The following KCNN2 variants were observed in gnomAD, a reference collection of about 807,000 sequenced individuals.
KCNN2 encodes small conductance calcium-activated potassium channel protein 2.
In KCNN2, 24 loss-of-function variants were observed where a neutral mutation model predicts 55.5. The observed-to-expected ratio is 0.43, with a 90% CI of 0.31 to 0.61. The LOEUF is 0.61. KCNN2 is among the 20% of genes least tolerant of loss of function. The pLI, the probability that KCNN2 is intolerant of heterozygous loss-of-function variation, is 0.08. For synonymous variants in KCNN2, 431 were observed against 336.1 expected, an observed-to-expected ratio of 1.28 and a Z score of -3.09; for missense variants, 754 against 853.6, an observed-to-expected ratio of 0.88 and a Z score of 1.45.
chr5:114,413,471 A>G (rs1759198374), intron 3 of KCNN2, among the ~76,000 whole-genome samples: 1 of 152,100 alleles, frequency 6.6e-6, no homozygotes, highest in Admixed American at 6.5e-5. Context: ...TATTTTTAGT[A>G]GAAATGGGGT....
chr5:114,116,660 T>G (rs1751713803), intron 1 of KCNN2, among the ~76,000 whole-genome samples: 1 of 152,194 alleles, frequency 6.6e-6, no homozygotes, highest in Non-Finnish European at 1.5e-5. Context: ...CTGGCACACT[T>G]TGAAGGGTAA....
At position 114,325,814 on chromosome 5, in the gene KCNN2, A is replaced by G. The variant is rs528784102; in HGVS notation, c.-184-35131A>G. ...GAATTCCCCACTGGAACTGCATCTCATCTGGTTCTGTGAACTCAAGGGAGG... is the reference window on the plus strand; with the variant it reads ...GAATTCCCCACTGGAACTGCATCTCGTCTGGTTCTGTGAACTCAAGGGAGG... On this transcript the variant is annotated intron_variant, in intron 2 of 10. Coordinates refer to the KCNN2 transcript ENST00000512097. Among the ~76,000 whole-genome samples, 4 of 152,192 alleles carry G rather than the reference A, an allele frequency of 2.6e-5. No individual in the cohort carries two copies. The East Asian group carries it at 7.8e-4, about 30-fold the overall frequency.
At chr5:114,326,054 C>T (rs1279408000) in intron 2 of KCNN2, among the ~76,000 whole-genome samples, 1 of 152,130 alleles carries the variant, frequency 6.6e-6, no homozygotes, top group Admixed American at 6.5e-5. Flanking sequence ...TTGGGGTTTT[C>T]TGCCAAATGA....
chr5:114,351,452 C>A (rs1757202219), intron 2 of KCNN2, among the ~76,000 whole-genome samples: 1 of 151,722 alleles, frequency 6.6e-6, no homozygotes, highest in African/African-American at 2.4e-5. Context: ...TATTACCTAA[C>A]TGTACTGGCT....
chr5:114,287,860 A>G (rs1374476203), intron 2 of KCNN2, among the ~76,000 whole-genome samples: 6 of 151,924 alleles, frequency 3.9e-5, no homozygotes, highest in South Asian at 2.1e-4. Context: ...AAGTTTTCCT[A>G]TGCTGTGTTT....
chr5:114,204,746 C>G (rs1753736777), intron 1 of KCNN2, among the ~76,000 whole-genome samples: 1 of 152,104 alleles, frequency 6.6e-6, no homozygotes, highest in Non-Finnish European at 1.5e-5. Context: ...GCCCATGTGG[C>G]TTTGTGGAGT....
chr5:114,132,913 A>G (rs1349312829), intron 1 of KCNN2, among the ~76,000 whole-genome samples: 1 of 152,198 alleles, frequency 6.6e-6, no homozygotes, highest in African/African-American at 2.4e-5. Flanking sequence ...AAACTATTGT[A>G]AAAGATGCCT....
chr5:114,167,891 T>C (rs1285880062), intron 1 of KCNN2, among the ~76,000 whole-genome samples: 1 of 152,092 alleles, frequency 6.6e-6, no homozygotes, highest in African/African-American at 2.4e-5. Context: ...GTGTAAGTTT[T>C]AGAAGTTTAT....
In KCNN2 at chr5:114,473,122, A is replaced by G; in HGVS notation, c.1848A>G (p.Lys616=). 1 of 1,612,130 alleles carries G rather than the reference A, an allele frequency of 6.2e-7. No individual in the cohort carries two copies. Among genetic ancestry groups the G allele is most frequent in the South Asian group, 1.1e-5 (1 of 90,716 alleles). ...AGCTAGAACTTACCAAAGCAGAAAA[A>G]CACGTGCACAATTTCATGATGGATA... ...ARKLELTKAE[K]HVHNFMMDTQ... The change falls in exon 5 of 8, where the codon AAA becomes AAG. Residue 616 remains lysine (K), a synonymous_variant. Transcript: ENST00000673685.
chr5:114,385,515 G>GCC (rs1491430759), intron 2 of KCNN2, among the ~76,000 whole-genome samples: 1 of 65,398 alleles, frequency 1.5e-5, no homozygotes, highest in Admixed American at 1.8e-4. Context: ...ATACACACAT[G>GCC]CGCGCACACA....
chr5:114,325,170 A>G (rs568494396), intron 2 of KCNN2, among the ~76,000 whole-genome samples: 2 of 152,296 alleles, frequency 1.3e-5, no homozygotes, highest in East Asian at 3.9e-4. Flanking sequence ...TTTGTTACTT[A>G]TGGTAAAATG....
chr5:114,310,103 T>C (rs190874853), intron 2 of KCNN2, among the ~76,000 whole-genome samples: 49 of 152,224 alleles, frequency 3.2e-4, no homozygotes, highest in African/African-American at 1.1e-3. Flanking sequence ...CATATCATAG[T>C]GCAAATTTTA....
chr5:114,228,648 T>C (rs1044647315), intron 2 of KCNN2, among the ~76,000 whole-genome samples: 1 of 152,090 alleles, frequency 6.6e-6, no homozygotes, highest in Non-Finnish European at 1.5e-5. Flanking sequence ...ATTTCTGATA[T>C]ATAAGTTGAG....
intron 3 of KCNN2, among the ~76,000 whole-genome samples, chr5:114,434,863 A>G (rs922999904): frequency 6.6e-6 from 1 of 152,010 alleles, no homozygotes; most frequent in Non-Finnish European, 1.5e-5. Flanking sequence ...GTAATTGGGT[A>G]TTTCCCTTTT....
chr5:114,307,739 CA>C (rs1756313780), intron 2 of KCNN2, among the ~76,000 whole-genome samples: 1 of 152,150 alleles, frequency 6.6e-6, no homozygotes, highest in African/African-American at 2.4e-5. Flanking sequence ...TCTACCTCCT[CA>C]AGCCATCTAC....
At chr5:114,470,618 A>G (rs967771534) in intron 4 of KCNN2, among the ~76,000 whole-genome samples, 13 of 152,206 alleles carry the variant, frequency 8.5e-5, no homozygotes, top group Non-Finnish European at 1.9e-4. Context: ...TTCTTTCATT[A>G]GTACCCAGAT....
chr5:114,160,651 A>T lies in KCNN2; in HGVS notation c.-270-60829A>T, dbSNP rs1023534547. ...TGTGTGGGAGTCTAAGTCTCTTTGT[A>T]GGTCACTAAGGACTTGCTTTATGAA... On this transcript the variant is annotated intron_variant, in intron 1 of 10. Transcript: ENST00000512097. 1.6e-4 allele frequency among the ~76,000 whole-genome samples: 24 copies of T among 152,146 alleles called. 1 individual carries two copies. The highest frequency in any genetic ancestry group is 5.8e-4 in the African/African-American group (24 of 41,420).
chr5:114,085,574 T>TGC (rs1246151148), intron 1 of KCNN2, among the ~76,000 whole-genome samples: 159 of 152,160 alleles, frequency 1.0e-3, no homozygotes, highest in Non-Finnish European at 2.0e-3. Context: ...ATTTTAAAAA[T>TGC]TGATTTCCAA....
chr5:114,357,766 G>A (rs1393198650), upstream of KCNN2, among the ~76,000 whole-genome samples: 1 of 147,690 alleles, frequency 6.8e-6, no homozygotes, highest in Non-Finnish European at 1.5e-5. Flanking sequence ...ACATACGTGT[G>A]CATGTGTCTT....
Sources: allele counts gnomAD v4.1 joint callset (sites outside exome capture counted in the v4.1 genomes callset), GRCh38; gene constraint gnomAD v4.1.1; transcripts MANE v1.5; gene names NCBI Gene and HGNC (gene_info 2026-07-23, HGNC 2026-07-21).